Variants in HS3ST5 observed in about 807,000 individuals in gnomAD.
The protein encoded by HS3ST5 is heparan sulfate-glucosamine 3-sulfotransferase 5.
HS3ST5 carries 10 observed loss-of-function variants against 25.4 expected under a neutral mutation model. The observed-to-expected ratio is 0.39, with a 90% CI of 0.24 to 0.67. The LOEUF (loss-of-function observed/expected upper bound fraction) is 0.67. Among genes scored for constraint, HS3ST5 ranks in the 30% least tolerant of loss-of-function variants. HS3ST5 has a pLI of 0.44. For synonymous variants in HS3ST5, 170 were observed against 162.4 expected (o/e 1.05, Z -0.36); for missense variants, 324 against 420.7 (o/e 0.77, Z 2.01).
intron 3 of HS3ST5, among the ~76,000 whole-genome samples, chr6:114,075,739 G>T (rs1489320072): frequency 6.6e-6 from 1 of 152,124 alleles, no homozygotes; most frequent in Non-Finnish European, 1.5e-5. Flanking sequence ...TTCAGATACT[G>T]AACTTTAAGA....
chr6:114,144,080 G>A (rs550704045), intron 3 of HS3ST5, among the ~76,000 whole-genome samples: 2 of 152,322 alleles, frequency 1.3e-5, no homozygotes, highest in South Asian at 2.1e-4. Context: ...AGCAGGCAGT[G>A]TAAATGCAGT....
At chr6:114,125,696 C>T (rs1317301451) in intron 3 of HS3ST5, among the ~76,000 whole-genome samples, 1 of 152,134 alleles carries the variant, frequency 6.6e-6, no homozygotes, top group Non-Finnish European at 1.5e-5. Context: ...TTAATAGATA[C>T]CCACTGTGCA....
intron 1 of HS3ST5, among the ~76,000 whole-genome samples, chr6:114,308,352 G>A (rs979895493): frequency 6.6e-6 from 1 of 152,110 alleles, no homozygotes; most frequent in Non-Finnish European, 1.5e-5. Flanking sequence ...TTGGGAGGCC[G>A]AGGCGGGCAG....
chr6:114,177,587 G>A (rs1274305274), intron 2 of HS3ST5, among the ~76,000 whole-genome samples: 1 of 152,088 alleles, frequency 6.6e-6, no homozygotes, highest in African/African-American at 2.4e-5. Context: ...CTCTTTGTCA[G>A]CACTTTATTG....
intron 2 of HS3ST5, among the ~76,000 whole-genome samples, chr6:114,175,606 G>C (rs1403207761): frequency 6.6e-6 from 1 of 152,168 alleles, no homozygotes; most frequent in Non-Finnish European, 1.5e-5. Flanking sequence ...AATGGAGTCA[G>C]GTAGGGGAGG....
intron 1 of HS3ST5, among the ~76,000 whole-genome samples, chr6:114,256,198 C>T (rs1305326085): frequency 6.6e-6 from 1 of 152,054 alleles, no homozygotes; most frequent in Non-Finnish European, 1.5e-5. Context: ...ACCATCTTGG[C>T]TAACACAGTG....
chr6:114,108,032 A>G (rs983256791), intron 3 of HS3ST5, among the ~76,000 whole-genome samples: 3 of 152,198 alleles, frequency 2.0e-5, no homozygotes, highest in African/African-American at 7.2e-5. Flanking sequence ...GAAGGCAGAT[A>G]TAGGTATACA....
At chr6:114,295,941 T>G (rs745919354) in intron 1 of HS3ST5, among the ~76,000 whole-genome samples, 1 of 152,184 alleles carries the variant, frequency 6.6e-6, no homozygotes, top group Admixed American at 6.5e-5. Flanking sequence ...GGGTTTCTAC[T>G]AGATTTGAAA....
intron 2 of HS3ST5, among the ~76,000 whole-genome samples, chr6:114,205,620 G>A (rs181063525): frequency 2.8e-3 from 431 of 152,260 alleles, no homozygotes; most frequent in African/African-American, 9.9e-3. Flanking sequence ...GACATCAACT[G>A]GTGGGGCTGA....
In HS3ST5 at chr6:114,268,805, G is replaced by C. The variant is rs560258731; in HGVS notation, c.-338-40027C>G. Reference sequence around the variant, plus strand: ...ACAGGATAGATGGGCTTTGACAAGTGCAAGAGAGGAGGCTGGTGCTTGAGG... The same window carrying C: ...ACAGGATAGATGGGCTTTGACAAGTCCAAGAGAGGAGGCTGGTGCTTGAGG... On this transcript the variant is annotated intron_variant, in intron 1 of 4. Coordinates refer to ENST00000312719, the MANE Select transcript of HS3ST5 (RefSeq NM_153612.4). 9.2e-5 allele frequency among the ~76,000 whole-genome samples: 14 copies of C among 152,284 alleles called. 1 individual carries two copies. The East Asian group carries it at 2.7e-3, about 29-fold the overall frequency.
intron 3 of HS3ST5, among the ~76,000 whole-genome samples, chr6:114,164,170 A>C (rs2114989751): frequency 6.6e-6 from 1 of 151,930 alleles, no homozygotes; most frequent in South Asian, 2.1e-4. Flanking sequence ...ACTATCTTGC[A>C]TAAAAACATA....
chr6:114,267,158 A>G (rs1010866476), intron 1 of HS3ST5, among the ~76,000 whole-genome samples: 1 of 152,260 alleles, frequency 6.6e-6, no homozygotes, highest in Non-Finnish European at 1.5e-5. Flanking sequence ...AAGATTTATT[A>G]AAGGCTAATT....
At chr6:114,309,874 T>G (rs1775457195) in intron 1 of HS3ST5, among the ~76,000 whole-genome samples, 1 of 152,244 alleles carries the variant, frequency 6.6e-6, no homozygotes, top group Non-Finnish European at 1.5e-5. Context: ...GAGAATTAAG[T>G]TTGCACTAAA....
intron 1 of HS3ST5, among the ~76,000 whole-genome samples, chr6:114,275,612 CA>C (rs1204739055): frequency 6.6e-6 from 1 of 151,918 alleles, no homozygotes; most frequent in Non-Finnish European, 1.5e-5. Flanking sequence ...GGCCAGATAG[CA>C]AATGTTTTAG....
chr6:114,165,385 G>A (rs962910707), intron 3 of HS3ST5, among the ~76,000 whole-genome samples: 16 of 152,116 alleles, frequency 1.1e-4, no homozygotes, highest in African/African-American at 3.9e-4. Context: ...ATGAGCATGG[G>A]CTTTCTACAT....
intron 3 of HS3ST5, among the ~76,000 whole-genome samples, chr6:114,119,697 T>C (rs1181524573): frequency 2.0e-5 from 3 of 152,172 alleles, no homozygotes; most frequent in African/African-American, 7.2e-5. Context: ...ATTACAATAA[T>C]GTCACAAATA....
chr6:114,087,299 A>T (rs145088066), intron 3 of HS3ST5, among the ~76,000 whole-genome samples: 143 of 152,308 alleles, frequency 9.4e-4, no homozygotes, highest in South Asian at 5.8e-3. Flanking sequence ...TCCCTGCATG[A>T]TGCCCGTTCT....
chr6:114,254,472 G>C (rs1309009040), intron 1 of HS3ST5, among the ~76,000 whole-genome samples: 2 of 152,224 alleles, frequency 1.3e-5, no homozygotes, highest in African/African-American at 4.8e-5. Context: ...TGAGTCTCTT[G>C]AGTAGGGTAG....
At chr6:114,100,943 A>G (rs1337495678) in intron 3 of HS3ST5, among the ~76,000 whole-genome samples, 1 of 152,210 alleles carries the variant, frequency 6.6e-6, no homozygotes, top group African/African-American at 2.4e-5. Flanking sequence ...GTTTGAAAAC[A>G]ATTAATCTGG....
Sources: allele counts gnomAD v4.1 joint callset (sites outside exome capture counted in the v4.1 genomes callset), GRCh38; gene constraint gnomAD v4.1.1; transcripts MANE v1.5; gene names NCBI Gene and HGNC (gene_info 2026-07-23, HGNC 2026-07-21).